Variants in USP33 observed in about 807,000 individuals in gnomAD.
The protein encoded by USP33 is ubiquitin specific peptidase 33.
A neutral mutation model predicts 124.2 loss-of-function variants in USP33; 46 were observed. That is an observed-to-expected ratio of 0.37 (90% CI 0.29 to 0.47). USP33 has a LOEUF of 0.47. Ranked by LOEUF, USP33 falls within the 20% of genes least tolerant of loss-of-function variation. USP33 has a pLI of 0.99. For missense variants in USP33, 851 were observed against 1,070.6 expected, an observed-to-expected ratio of 0.79 and a Z score of 2.86; for synonymous variants, 350 against 352.3, an observed-to-expected ratio of 0.99 and a Z score of 0.07.
At chr1:77,748,783 C>CA (rs1553201484) in intron 1 of USP33, among the ~76,000 whole-genome samples, 5 of 84,110 alleles carry the variant, frequency 5.9e-5, no homozygotes, top group Non-Finnish European at 9.3e-5. Context: ...CTTCCCTCCC[C>CA]CCCCCCCCCG....
chr1:77,736,254 T>C lies in USP33; in HGVS notation c.352-96A>G, dbSNP rs1325493877. ...TATAACATCTATACCATAAAAATTA[T>C]TGAGATGTTATTTTAATAGTGGAAC... On this transcript the variant is annotated intron_variant, in intron 5 of 23. Coordinates refer to ENST00000370794, the MANE Select transcript of USP33 (RefSeq NM_201624.3). 3 of 683,276 alleles carry C rather than the reference T, an allele frequency of 4.4e-6. No homozygotes were observed. The Admixed American group carries it at 1.0e-4, about 23-fold the overall frequency. The allele number at this position is 683,276 out of a possible 1,614,324, so 42.3% of individuals were successfully genotyped here. A position where few individuals can be genotyped will look rare whatever the true frequency, so the allele number is the denominator to read the frequency against.
At chr1:77,716,297 T>G (rs570646419) in intron 17 of USP33, among the ~76,000 whole-genome samples, 164 of 152,238 alleles carry the variant, frequency 1.1e-3, no homozygotes, top group African/African-American at 3.7e-3. Flanking sequence ...GAGCCTCAAG[T>G]GATCCTTCTG....
chr1:77,709,204 T>C (rs1674959974), intron 21 of USP33, among the ~76,000 whole-genome samples: 1 of 152,196 alleles, frequency 6.6e-6, no homozygotes, highest in Non-Finnish European at 1.5e-5. Context: ...AATGAGGTTA[T>C]ATGTTACTGT....
At position 77,724,640 on chromosome 1, in the gene USP33, T is replaced by C. The variant is rs572087000; in HGVS notation, c.1276+982A>G. 2.0e-5 allele frequency among the ~76,000 whole-genome samples: 3 copies of C among 152,148 alleles called. No individual in the cohort carries two copies. The East Asian group carries it at 5.8e-4, about 29-fold the overall frequency. On this transcript the variant is annotated intron_variant, in intron 11 of 23. Coordinates refer to ENST00000370794, the MANE Select transcript of USP33 (RefSeq NM_201624.3). Reference sequence around the variant, plus strand: ...CTTCTAGGTATTTGTCCTAGACAAATGAAAAAATGTTCTTACAAAAACCTA... The same window carrying C: ...CTTCTAGGTATTTGTCCTAGACAAACGAAAAAATGTTCTTACAAAAACCTA...
Position 77,714,781 on chromosome 1 carries a change from T to C in USP33, c.2048A>G (p.Lys683Arg), listed in dbSNP as rs1410491834. ...NAEAYVLFYR[K>R]SSEEAQKERR... is the part of the protein sequence containing the mutation. ...CTCTTTTTGTGCCTCTTCGCTGCTC[T>C]TCCTATTAAGGACAATGATTAGTTA... Residue 683 changes from lysine to arginine, a missense_variant and splice_region_variant, in exon 19 of 24, where the codon AAG (lysine) becomes AGG (arginine). Transcript: ENST00000370794. The C allele has an allele frequency of 6.2e-7, 1 of 1,611,070 alleles. No homozygotes were observed. Among genetic ancestry groups the C allele is most frequent in the Non-Finnish European group, 8.5e-7 (1 of 1,179,666 alleles).
At chr1:77,713,175 G>T in intron 20 of USP33, 25 bp downstream of exon 20, 6 of 1,586,858 alleles carry the variant, frequency 3.8e-6, no homozygotes, top group Non-Finnish European at 5.1e-6. Context: ...TCACAACACT[G>T]TATGGTCTGA....
At position 77,733,010 on chromosome 1, in the gene USP33, G is replaced by A. The variant is rs990197297; in HGVS notation, c.524+1337C>T. Among the ~76,000 whole-genome samples the A allele has an allele frequency of 4.0e-5, 6 of 151,572 alleles. No homozygotes were observed. The South Asian group carries it at 1.3e-3, about 32-fold the overall frequency. ...GGGTTTCACTATGTTGGCCAGGCTG[G>A]TCTCGAACTCCTGACCTCATGATCC... is the stretch of plus-strand genomic sequence containing the variant. On this transcript the variant is annotated intron_variant, in intron 7 of 23. Coordinates refer to ENST00000370794, the MANE Select transcript of USP33 (RefSeq NM_201624.3).
chr1:77,739,923 C>T (rs1412120243), intron 4 of USP33, among the ~76,000 whole-genome samples: 1 of 152,152 alleles, frequency 6.6e-6, no homozygotes, highest in African/African-American at 2.4e-5. Context: ...TATCAATTCT[C>T]CCAATGGTGG....
chr1:77,702,591 A>G (rs947194119), intron 21 of USP33, among the ~76,000 whole-genome samples: 4 of 152,166 alleles, frequency 2.6e-5, no homozygotes, highest in African/African-American at 9.7e-5. Context: ...AGGAATGGGT[A>G]TATGACTCAA....
intron 21 of USP33, among the ~76,000 whole-genome samples, chr1:77,708,859 CTTTTT>C (rs964975561): frequency 3.3e-5 from 5 of 151,738 alleles, no homozygotes; most frequent in African/African-American, 4.8e-5. Context: ...TCATTTCTTT[CTTTTT>C]TTTAAGATAT....
chr1:77,735,648 C>T (rs554382033), intron 6 of USP33, among the ~76,000 whole-genome samples: 3 of 152,060 alleles, frequency 2.0e-5, no homozygotes, highest in Non-Finnish European at 4.4e-5. Context: ...CCAAATAGAC[C>T]GGTTCTCAAT....
chr1:77,751,616 G>C (rs560837484), intron 1 of USP33, among the ~76,000 whole-genome samples: 3 of 152,254 alleles, frequency 2.0e-5, no homozygotes, highest in Admixed American at 1.3e-4. Context: ...AGCTGTGATT[G>C]CACCACTGCA....
chr1:77,738,655 T>C (rs1303554922), intron 5 of USP33, among the ~76,000 whole-genome samples: 1 of 152,072 alleles, frequency 6.6e-6, no homozygotes, highest in East Asian at 1.9e-4. Context: ...TAATGTTTTG[T>C]ATTTTTAGTA....
At chr1:77,715,154 T>C (rs926734258) in intron 18 of USP33, among the ~76,000 whole-genome samples, 1 of 152,202 alleles carries the variant, frequency 6.6e-6, no homozygotes, top group Non-Finnish European at 1.5e-5. Context: ...TGGGAGAAAA[T>C]TTGGTACTTA....
intron 1 of USP33, among the ~76,000 whole-genome samples, chr1:77,742,706 T>C (rs545864098): frequency 1.3e-5 from 2 of 152,262 alleles, no homozygotes; most frequent in South Asian, 4.1e-4. Flanking sequence ...AACTTTGAGG[T>C]TTGAGAACAC....
intron 1 of USP33, among the ~76,000 whole-genome samples, chr1:77,746,205 C>T (rs1679725419): frequency 6.6e-6 from 1 of 152,056 alleles, no homozygotes; most frequent in African/African-American, 2.4e-5. Context: ...GGGATATCAC[C>T]ACCAATCCCA....
At chr1:77,702,897 T>C (rs1674202230) in intron 21 of USP33, among the ~76,000 whole-genome samples, 1 of 151,850 alleles carries the variant, frequency 6.6e-6, no homozygotes, top group Non-Finnish European at 1.5e-5. Context: ...ATTAATCTAA[T>C]TGTAGTAGTG....
At chr1:77,739,164 A>G (rs990357782) in intron 5 of USP33, 101 bp downstream of exon 5, 7 of 1,358,592 alleles carry the variant, frequency 5.2e-6, no homozygotes, top group African/African-American at 1.5e-5. Flanking sequence ...TTCAAAGTAC[A>G]GGTTAGGCAG....
intron 1 of USP33, among the ~76,000 whole-genome samples, chr1:77,756,910 T>C (rs1253176418): frequency 6.6e-6 from 1 of 152,220 alleles, no homozygotes; most frequent in Admixed American, 6.5e-5. Flanking sequence ...TTCTAACAGT[T>C]ACAGCTCATT....
Sources: allele counts gnomAD v4.1 joint callset (sites outside exome capture counted in the v4.1 genomes callset), GRCh38; gene constraint gnomAD v4.1.1; transcripts MANE v1.5; gene names NCBI Gene and HGNC (gene_info 2026-07-23, HGNC 2026-07-21).